The following NCKAP5 variants were observed in gnomAD, a reference collection of about 807,000 sequenced individuals.
The protein encoded by NCKAP5 is nck-associated protein 5.
NCKAP5 carries 92 observed loss-of-function variants against 167.0 expected under a neutral mutation model. The observed-to-expected ratio is 0.55, with a 90% CI of 0.47 to 0.66. The LOEUF is 0.66. Ranked by LOEUF, NCKAP5 falls within the 30% of genes least tolerant of loss-of-function variation. NCKAP5 has a pLI of 0.00. For missense variants in NCKAP5, 2,378 were observed against 2,315.0 expected (o/e 1.03, Z -0.56); for synonymous variants, 891 against 877.4 (o/e 1.02, Z -0.27).
At chr2:133,628,784 C>T in the NCKAP5 span, among the ~76,000 whole-genome samples, 1 of 152,186 alleles carries the variant, frequency 6.6e-6, no homozygotes, top group Non-Finnish European at 1.5e-5. Flanking sequence ...GGTACAAAAA[C>T]AGACGCATAG....
Position 133,127,673 on chromosome 2 carries a change from G to T in NCKAP5, c.341+2305C>A, listed in dbSNP as rs114763432. On this transcript the variant is annotated intron_variant, in intron 6 of 19. Coordinates refer to ENST00000409261, the MANE Select transcript of NCKAP5 (RefSeq NM_207363.3). ...CTTGAATATAGAGACATCTCAATTA[G>T]ACAGTGCAAAGAGAGCAAGATCTGC... Among the ~76,000 whole-genome samples, 928 of 152,254 alleles carry T rather than the reference G, an allele frequency of 6.1e-3. 3 individuals are homozygous for T. The highest frequency in any genetic ancestry group is 0.021 in the African/African-American group (873 of 41,542).
rs775876157 is a variant in NCKAP5 at position 132,783,650 on chromosome 2, A to G, written c.3161T>C (p.Leu1054Pro). The G allele has an allele frequency of 5.0e-6, 8 of 1,613,616 alleles. No homozygotes were observed. The Admixed American group carries it at 5.0e-5, about 10-fold the overall frequency. ...GVPKTSPRQT[L>P]GTPQRDIGLQ... The stretch of plus-strand genomic sequence containing the variant: ...TCCTATGTCCCTTTGTGGGGTCCCA[A>G]GTGTTTGGCGAGGAGAGGTTTTGGG... Residue 1054 changes from leucine (L) to proline (P), a missense_variant, in exon 14 of 20, where the codon CTT becomes CCT. Physicochemically the swap from Leu to Pro is moderately conservative, Grantham distance 98. This residue lies in a region of NCKAP5 where 1,325 missense variants were observed against 1,274.5 expected (regional missense o/e 1.04). Coordinates refer to ENST00000409261, the MANE Select transcript of NCKAP5 (RefSeq NM_207363.3).
chr2:133,289,587 C>T lies in NCKAP5; in HGVS notation c.143+13450G>A, dbSNP rs191602786. Among the ~76,000 whole-genome samples the T allele has an allele frequency of 1.2e-3, 188 of 151,784 alleles. 1 individual carries two copies. The Middle Eastern group carries it at 0.024, about 19-fold the overall frequency. Reference sequence around the variant, plus strand: ...TGGAACCCTGTCTCTACTAAAAGTACAAAAATTAGCTGGAAATTGCTTGAA... The same window carrying T: ...TGGAACCCTGTCTCTACTAAAAGTATAAAAATTAGCTGGAAATTGCTTGAA... On this transcript the variant is annotated intron_variant, in intron 4 of 19. Transcript: ENST00000409261.
chr2:133,361,349 T>C (rs1685092728), intron 3 of NCKAP5, among the ~76,000 whole-genome samples: 1 of 152,190 alleles, frequency 6.6e-6, no homozygotes, highest in East Asian at 1.9e-4. Context: ...TCTTGATCAA[T>C]ATTCCTTAAG....
intron 5 of NCKAP5, among the ~76,000 whole-genome samples, chr2:133,152,449 A>G (rs1163139749): frequency 6.6e-6 from 1 of 152,218 alleles, no homozygotes; most frequent in Admixed American, 6.5e-5. Context: ...CGAATGCATT[A>G]ATAAACTTGA....
chr2:132,976,572 A>C (rs2076982969), intron 7 of NCKAP5, among the ~76,000 whole-genome samples: 1 of 151,326 alleles, frequency 6.6e-6, no homozygotes, highest in African/African-American at 2.4e-5. Context: ...TCAAAAAAAA[A>C]AAAAAAAAAA....
At chr2:133,527,076 T>C (rs935088040) in intron 2 of NCKAP5, 8 of 151,968 alleles carry the variant, frequency 5.3e-5, no homozygotes, top group East Asian at 1.9e-4. Flanking sequence ...TTTTTTTTTT[T>C]CTTTGAGCAG....
intron 7 of NCKAP5, among the ~76,000 whole-genome samples, chr2:132,984,340 C>T (rs898822215): frequency 3.3e-5 from 5 of 152,064 alleles, no homozygotes; most frequent in African/African-American, 1.2e-4. Flanking sequence ...GTCTTACAAC[C>T]GAAAGCTGTA....
At chr2:133,595,703 A>G in the NCKAP5 span, among the ~76,000 whole-genome samples, 1 of 152,018 alleles carries the variant, frequency 6.6e-6, no homozygotes, top group African/African-American at 2.4e-5. Context: ...AAAGGGCTAG[A>G]TGGTAAATAT....
chr2:133,001,215 CTTT>C (rs56110206), intron 6 of NCKAP5, among the ~76,000 whole-genome samples: 14 of 134,390 alleles, frequency 1.0e-4, no homozygotes, highest in African/African-American at 8.2e-5. Flanking sequence ...CTTTGACTTA[CTTT>C]TTTTTTTTTT....
At chr2:132,848,393 T>C (rs893322268) in intron 11 of NCKAP5, among the ~76,000 whole-genome samples, 1 of 152,208 alleles carries the variant, frequency 6.6e-6, no homozygotes, top group Non-Finnish European at 1.5e-5. Flanking sequence ...ATAACGGCTT[T>C]TTGCACTCAT....
At chr2:133,310,098 C>T (rs1182241788) in intron 3 of NCKAP5, among the ~76,000 whole-genome samples, 1 of 152,164 alleles carries the variant, frequency 6.6e-6, no homozygotes, top group East Asian at 1.9e-4. Flanking sequence ...GGGAGGGCAT[C>T]AGTTCTTCTC....
At chr2:133,601,383 T>C in the NCKAP5 span, among the ~76,000 whole-genome samples, 4 of 152,174 alleles carry the variant, frequency 2.6e-5, no homozygotes, top group Non-Finnish European at 4.4e-5. Flanking sequence ...GCACCAACAA[T>C]GTGCCAGGCA....
At chr2:133,108,715 T>C (rs2081805239) in intron 6 of NCKAP5, among the ~76,000 whole-genome samples, 1 of 152,182 alleles carries the variant, frequency 6.6e-6, no homozygotes, top group Admixed American at 6.5e-5. Context: ...CTCCAATCCC[T>C]GGCAACCACC....
chr2:132,734,152 C>T (rs1691294578), intron 16 of NCKAP5, among the ~76,000 whole-genome samples: 1 of 152,148 alleles, frequency 6.6e-6, no homozygotes, highest in South Asian at 2.1e-4. Context: ...TATTCATGAC[C>T]TTCTCTTTTC....
chr2:133,240,676 G>A (rs2087655041), intron 4 of NCKAP5, among the ~76,000 whole-genome samples: 1 of 152,142 alleles, frequency 6.6e-6, no homozygotes, highest in Non-Finnish European at 1.5e-5. Context: ...TGCCAGGCGG[G>A]AGAGGATGAC....
chr2:133,558,442 T>A (rs1687902817), intron 2 of NCKAP5, among the ~76,000 whole-genome samples: 1 of 151,556 alleles, frequency 6.6e-6, no homozygotes, highest in Non-Finnish European at 1.5e-5. Flanking sequence ...AGAAATAAGG[T>A]GGCATAGACA....
At chr2:133,307,752 A>G (rs1361812195) in intron 3 of NCKAP5, among the ~76,000 whole-genome samples, 3 of 152,212 alleles carry the variant, frequency 2.0e-5, no homozygotes, top group Non-Finnish European at 2.9e-5. Context: ...TTTTATGCAT[A>G]TGTGTATAAC....
intron 6 of NCKAP5, among the ~76,000 whole-genome samples, chr2:133,023,040 C>A: frequency 6.6e-6 from 1 of 152,298 alleles, no homozygotes. Context: ...TCCAGTGGAG[C>A]CTCGAGGTGA....
Sources: allele counts gnomAD v4.1 joint callset (sites outside exome capture counted in the v4.1 genomes callset), GRCh38; gene constraint gnomAD v4.1.1; regional missense constraint gnomAD v4.1.1; transcripts MANE v1.5; gene names NCBI Gene and HGNC (gene_info 2026-07-23, HGNC 2026-07-21).